The following NOL4L variants were observed in gnomAD, a reference collection of about 807,000 sequenced individuals.
NOL4L encodes nucleolar protein 4 like.
A neutral mutation model predicts 64.5 loss-of-function variants in NOL4L; 7 were observed. That is an observed-to-expected ratio of 0.11 (90% confidence interval 0.06 to 0.20). The LOEUF (loss-of-function observed/expected upper bound fraction) is 0.20. Ranked by LOEUF, NOL4L falls within the 10% of genes least tolerant of loss-of-function variation. The pLI is 1.00. For synonymous variants in NOL4L, 413 were observed against 401.0 expected (o/e 1.03, Z -0.36); for missense variants, 680 against 967.1 (o/e 0.70, Z 3.94).
At chr20:32,543,739 G>A (rs970302292) in intron 1 of NOL4L, among the ~76,000 whole-genome samples, 7 of 152,000 alleles carry the variant, frequency 4.6e-5, no homozygotes, top group Non-Finnish European at 7.4e-5. Context: ...GCAGTGAGCC[G>A]AGATCTCGCC....
At chr20:32,510,019 G>C in intron 4 of NOL4L, 1 of 1,122,390 alleles carries the variant, frequency 8.9e-7, no homozygotes, top group East Asian at 5.8e-5. Flanking sequence ...CAGTGGTGCT[G>C]GGATTCTATA....
chr20:32,458,834 C>A (rs2013788429), intron 5 of NOL4L, among the ~76,000 whole-genome samples: 1 of 152,244 alleles, frequency 6.6e-6, no homozygotes. Flanking sequence ...AGTGACATCC[C>A]ATCATCCCAC....
At chr20:32,553,096 G>T (rs1331867779) in intron 1 of NOL4L, among the ~76,000 whole-genome samples, 1 of 152,128 alleles carries the variant, frequency 6.6e-6, no homozygotes, top group Non-Finnish European at 1.5e-5. Flanking sequence ...CCTGCCAGAA[G>T]GTTTCAGCAC....
At chr20:32,582,593 C>A (rs1175813114) in intron 1 of NOL4L, among the ~76,000 whole-genome samples, 1 of 152,086 alleles carries the variant, frequency 6.6e-6, no homozygotes, top group Non-Finnish European at 1.5e-5. Flanking sequence ...TGGGGGGTCA[C>A]CCCCCAACTC....
chr20:32,567,120 C>T (rs959753783), intron 1 of NOL4L, among the ~76,000 whole-genome samples: 1 of 152,188 alleles, frequency 6.6e-6, no homozygotes, highest in East Asian at 1.9e-4. Flanking sequence ...ATCAGGGGTG[C>T]AGGAGCCTGG....
At chr20:32,549,474 C>T (rs2018771263) in intron 1 of NOL4L, among the ~76,000 whole-genome samples, 1 of 152,120 alleles carries the variant, frequency 6.6e-6, no homozygotes, top group African/African-American at 2.4e-5. Flanking sequence ...AAGTTCTGGC[C>T]AGGCATGGTG....
chr20:32,549,702 G>A (rs1186372660), intron 1 of NOL4L, among the ~76,000 whole-genome samples: 3 of 152,146 alleles, frequency 2.0e-5, no homozygotes, highest in Non-Finnish European at 2.9e-5. Context: ...GCAGTGAGCC[G>A]AGATCGCGCC....
chr20:32,556,867 G>A (rs778957918), intron 1 of NOL4L, among the ~76,000 whole-genome samples: 7 of 152,188 alleles, frequency 4.6e-5, no homozygotes, highest in Non-Finnish European at 8.8e-5. Flanking sequence ...ACAGTGCCTC[G>A]CCACACGGCC....
intron 4 of NOL4L, among the ~76,000 whole-genome samples, chr20:32,497,565 G>A (rs1337693732): frequency 6.6e-6 from 1 of 152,182 alleles, no homozygotes; most frequent in African/African-American, 2.4e-5. Context: ...CCAAAAGCTG[G>A]AGTGAGGAGT....
chr20:32,470,106 G>A lies in NOL4L; in HGVS notation c.841+4495C>T, dbSNP rs1289983012. On this transcript the variant is annotated intron_variant, in intron 5 of 10. Coordinates refer to ENST00000621426, the MANE Select transcript of NOL4L (RefSeq NM_001256798.2). ...ACTGCCCACCCTGCAGAAGGCGGAT[G>A]CAGGCCCAGCGAGCAGACCCCTGCT... Among the ~76,000 whole-genome samples, 4 of 152,256 alleles carry A rather than the reference G, an allele frequency of 2.6e-5. No individual in the cohort carries two copies. In the East Asian group the frequency reaches 5.8e-4, roughly 22 times the overall value.
At chr20:32,521,447 C>A (rs368895145) in intron 2 of NOL4L, among the ~76,000 whole-genome samples, 4 of 152,214 alleles carry the variant, frequency 2.6e-5, no homozygotes, top group African/African-American at 9.7e-5. Flanking sequence ...ACTTTTCAAA[C>A]TAGACAGGCT....
chr20:32,550,350 G>T (rs749936079), intron 1 of NOL4L, among the ~76,000 whole-genome samples: 11 of 152,342 alleles, frequency 7.2e-5, no homozygotes, highest in African/African-American at 2.4e-4. Flanking sequence ...AGGTTCAAGC[G>T]ATTCTCCGGC....
chr20:32,532,333 G>A, intron 1 of NOL4L: 1 of 985,230 alleles, frequency 1.0e-6, no homozygotes, highest in Non-Finnish European at 1.2e-6. Flanking sequence ...CTGTCCTCTG[G>A]TGAGCTAGGG....
chr20:32,579,999 C>A (rs1214353432), intron 1 of NOL4L, among the ~76,000 whole-genome samples: 3 of 152,152 alleles, frequency 2.0e-5, no homozygotes, highest in African/African-American at 7.2e-5. Flanking sequence ...TGAATACAGA[C>A]CTCTTGACCA....
chr20:32,474,804 C>A, intron 4 of NOL4L, 62 bp from the exon 5 acceptor site: 2 of 1,509,250 alleles, frequency 1.3e-6, no homozygotes, highest in Non-Finnish European at 1.8e-6. Context: ...CCTGAGGCAG[C>A]CTTGTGGGTG....
chr20:32,554,929 G>A (rs1468833794), intron 1 of NOL4L, among the ~76,000 whole-genome samples: 1 of 152,180 alleles, frequency 6.6e-6, no homozygotes, highest in African/African-American at 2.4e-5. Flanking sequence ...GGCTAACTTT[G>A]ATTACTCCTG....
chr20:32,494,803 A>G (rs1182102080), intron 4 of NOL4L, among the ~76,000 whole-genome samples: 1 of 152,226 alleles, frequency 6.6e-6, no homozygotes, highest in Non-Finnish European at 1.5e-5. Flanking sequence ...ATAACATCAC[A>G]GAGACACCAA....
At chr20:32,480,316 G>A (rs998833923) in intron 4 of NOL4L, among the ~76,000 whole-genome samples, 2 of 152,200 alleles carry the variant, frequency 1.3e-5, no homozygotes, top group African/African-American at 4.8e-5. Context: ...TAAGCCATAA[G>A]CCCTGACCAG....
rs143282928 is a variant in NOL4L, at chr20:32,472,902, T to C, written c.841+1699A>G. ...CCCAGGCTGACCCCGCACTGGGCTC[T>C]TGGGGACCTACAGACCCCCCAGCCT... On this transcript the variant is annotated intron_variant, in intron 5 of 10. Coordinates refer to ENST00000621426, the MANE Select transcript of NOL4L (RefSeq NM_001256798.2). Among the ~76,000 whole-genome samples, 208 of 152,078 alleles carry C rather than the reference T, an allele frequency of 1.4e-3. No homozygotes were observed. The Middle Eastern group carries it at 0.014, about 10-fold the overall frequency.
Sources: allele counts gnomAD v4.1 joint callset (sites outside exome capture counted in the v4.1 genomes callset), GRCh38; gene constraint gnomAD v4.1.1; transcripts MANE v1.5; gene names NCBI Gene and HGNC (gene_info 2026-07-23, HGNC 2026-07-21).